The following ZNF106 variants were observed in gnomAD, a reference collection of about 807,000 sequenced individuals.
The protein encoded by ZNF106 is zinc finger protein 106, also known as SH3-domain binding protein 3.
A neutral mutation model predicts 195.1 loss-of-function variants in ZNF106; 67 were observed. The ratio of observed to expected loss-of-function variants is 0.34; its 90% CI spans 0.28 to 0.42. The LOEUF is 0.42. Among genes scored for constraint, ZNF106 ranks in the 10% least tolerant of loss-of-function variants. The pLI is 1.00. For synonymous variants in ZNF106, 784 were observed against 818.6 expected, an observed-to-expected ratio of 0.96 and a Z score of 0.72; for missense variants, 2,118 against 2,304.5, an observed-to-expected ratio of 0.92 and a Z score of 1.66.
chr15:42,462,190 T>C (rs2056406725), intron 3 of ZNF106, among the ~76,000 whole-genome samples: 1 of 152,098 alleles, frequency 6.6e-6, no homozygotes, highest in Non-Finnish European at 1.5e-5. Context: ...GTAGATAAAA[T>C]CTCCATAGCA....
Position 42,435,450 on chromosome 15 carries a change from G to T in ZNF106, c.4815C>A (p.Thr1605=). 1 of 1,614,176 alleles carries T rather than the reference G, an allele frequency of 6.2e-7. No individual in the cohort carries two copies. ...SKVNCLLVTQ[T]SGKNAALYTG... is the part of the protein sequence containing the mutation. Reference sequence around the variant, plus strand: ...TGTAAAGGGCAGCATTCTTCCCGGAGGTCTGAGTAACCAGGAGGCAGTTAA... The same window carrying T: ...TGTAAAGGGCAGCATTCTTCCCGGATGTCTGAGTAACCAGGAGGCAGTTAA... Residue 1605 remains threonine (T), a synonymous_variant, in exon 14 of 22, where the codon ACC becomes ACA. Transcript: ENST00000564754.
Position 42,412,828 on chromosome 15 carries a change from T to G in ZNF106, c.*4476A>C, listed in dbSNP as rs1199910622. On this transcript the variant is annotated 3_prime_UTR_variant, in exon 22 of 22. Transcript: ENST00000564754. ...AAGGTAACGAAAGTAAACCGTCAAT[T>G]AGTAAAAGTACTTTATTTTCCTCTT... 6.6e-6 allele frequency: 1 copy of G among 152,272 alleles called. No homozygotes were observed. Among genetic ancestry groups the G allele is most frequent in the East Asian group, 1.9e-4 (1 of 5,202 alleles). 9.4% of individuals were successfully genotyped at this position (152,272 alleles called of 1,614,324 possible). A position where few individuals can be genotyped will look rare whatever the true frequency, so the allele number is the denominator to read the frequency against.
At chr15:42,433,466 T>C (rs1229660733) in intron 14 of ZNF106, among the ~76,000 whole-genome samples, 2 of 150,084 alleles carry the variant, frequency 1.3e-5, no homozygotes, top group Non-Finnish European at 3.0e-5. Context: ...TCAATTTCTT[T>C]GCATTGTTCT....
chr15:42,424,687 C>T (rs1427254785), intron 16 of ZNF106, 147 bp downstream of exon 16: 3 of 738,990 alleles, frequency 4.1e-6, no homozygotes, highest in African/African-American at 3.6e-5. Context: ...GCCATGTTGC[C>T]CTGGCTGGTC....
intron 1 of ZNF106, among the ~76,000 whole-genome samples, chr15:42,487,446 A>G (rs1339230982): frequency 7.2e-6 from 1 of 138,798 alleles, no homozygotes; most frequent in Non-Finnish European, 1.5e-5. Context: ...AGCCATGATC[A>G]TGCCACTGTA....
chr15:42,487,368 G>A (rs934368288), intron 1 of ZNF106, among the ~76,000 whole-genome samples: 2 of 151,012 alleles, frequency 1.3e-5, no homozygotes, highest in African/African-American at 4.9e-5. Context: ...CGCACCTGTA[G>A]TCCCAGCTAC....
intron 4 of ZNF106, among the ~76,000 whole-genome samples, chr15:42,456,376 C>CG (rs2056227280): frequency 6.6e-6 from 1 of 152,082 alleles, no homozygotes. Context: ...TGGACAGGTA[C>CG]GGTGGCTCAC....
In ZNF106 at chr15:42,442,999, G is replaced by C. The variant is rs574719345; in HGVS notation, c.3422-585C>G. ...GGGTTTCACCATGTTGGTCAGGCTG[G>C]AATTATTATTATTACTAATAATAAT... is the stretch of plus-strand genomic sequence containing the variant. On this transcript the variant is annotated intron_variant, in intron 9 of 21. Coordinates refer to ENST00000564754, the MANE Select transcript of ZNF106 (RefSeq NM_001366845.3). Among the ~76,000 whole-genome samples the C allele has an allele frequency of 2.0e-5, 3 of 151,840 alleles. No individual in the cohort carries two copies. The East Asian group carries it at 5.8e-4, about 29-fold the overall frequency.
intron 1 of ZNF106, among the ~76,000 whole-genome samples, chr15:42,473,059 C>A (rs992848332): frequency 6.6e-6 from 1 of 150,440 alleles, no homozygotes; most frequent in Non-Finnish European, 1.5e-5. Context: ...GTTGAAAATT[C>A]CAAATCTAAA....
intron 10 of ZNF106, among the ~76,000 whole-genome samples, chr15:42,440,876 G>C (rs901102965): frequency 1.4e-5 from 2 of 145,676 alleles, no homozygotes; most frequent in Admixed American, 1.4e-4. Context: ...CCAGCTATTC[G>C]GGAGGCTGAG....
Position 42,450,002 on chromosome 15 carries a change from C to A in ZNF106, c.2270G>T (p.Arg757Leu). The change falls in exon 5 of 22, where the codon CGG (arginine) becomes CTG (leucine). Residue 757 changes from arginine to leucine, a missense_variant. Transcript: ENST00000564754. Reference sequence around the variant, plus strand: ...AGTTTTGCTCTTCAAACTAATGTGCCGGGTTAGATCCCTCTGAAGTGAGGC... The same window carrying A: ...AGTTTTGCTCTTCAAACTAATGTGCAGGGTTAGATCCCTCTGAAGTGAGGC... Reference protein sequence around the residue: ...FPASLQRDLTRHISLKSKTGV... With the variant: ...FPASLQRDLTLHISLKSKTGV... 1 of 1,614,150 alleles carries A rather than the reference C, an allele frequency of 6.2e-7. No individual in the cohort carries two copies. Among genetic ancestry groups the A allele is most frequent in the Non-Finnish European group, 8.5e-7 (1 of 1,180,024 alleles).
At chr15:42,480,626 C>T (rs1012540603) in intron 1 of ZNF106, among the ~76,000 whole-genome samples, 2 of 152,022 alleles carry the variant, frequency 1.3e-5, no homozygotes, top group African/African-American at 4.8e-5. Flanking sequence ...ATTATATTTT[C>T]CCCCCAGTGG....
At chr15:42,428,165 G>A (rs1595439542) in intron 14 of ZNF106, 31 bp from the exon 15 acceptor site, 1 of 1,580,754 alleles carries the variant, frequency 6.3e-7, no homozygotes, top group Non-Finnish European at 8.7e-7. Flanking sequence ...TTAATCAGCA[G>A]AGGGTACTGG....
intron 2 of ZNF106, among the ~76,000 whole-genome samples, chr15:42,471,555 A>C (rs1595490294): frequency 6.6e-6 from 1 of 152,118 alleles, no homozygotes; most frequent in Admixed American, 6.6e-5. Context: ...ACATGGTGAA[A>C]CCCTGTCTCT....
chr15:42,474,904 T>C (rs1338735631), intron 1 of ZNF106, among the ~76,000 whole-genome samples: 2 of 152,218 alleles, frequency 1.3e-5, no homozygotes, highest in African/African-American at 4.8e-5. Flanking sequence ...CAAGCAGCAT[T>C]GTTCCTTCTT....
intron 1 of ZNF106, among the ~76,000 whole-genome samples, chr15:42,484,511 C>T (rs2056967464): frequency 6.6e-6 from 1 of 152,176 alleles, no homozygotes; most frequent in Admixed American, 6.5e-5. Context: ...CCTGTAATCC[C>T]AGTACTTTGG....
chr15:42,462,479 T>C (rs997101304), intron 3 of ZNF106, among the ~76,000 whole-genome samples: 4 of 152,008 alleles, frequency 2.6e-5, no homozygotes, highest in African/African-American at 9.7e-5. Context: ...GTGCCTGTAA[T>C]CCCAGCTACT....
chr15:42,468,068 C>CTTTTT lies in ZNF106; in HGVS notation c.55-1959_55-1955dup, dbSNP rs200457966. 1.0e-3 allele frequency among the ~76,000 whole-genome samples: 106 copies of CTTTTT among 102,114 alleles called. 2 individuals carry two copies. The highest frequency in any genetic ancestry group is 1.7e-3 in the African/African-American group (42 of 24,706). 67.0% of individuals were successfully genotyped at this position (102,114 alleles called of 152,430 possible). A position where few individuals can be genotyped will look rare whatever the true frequency, so the allele number is the denominator to read the frequency against. ...TAAACAGGGTTGTGATTCAAAACGC[C>CTTTTT]TTTTTTTTTTTTTTTTTTTTTTTTT... On this transcript the variant is annotated intron_variant, in intron 2 of 21. Transcript: ENST00000564754.
chr15:42,471,576 C>T (rs2056669319), intron 2 of ZNF106, among the ~76,000 whole-genome samples: 1 of 152,058 alleles, frequency 6.6e-6, no homozygotes, highest in Admixed American at 6.6e-5. Context: ...ACTAAAAATA[C>T]AAAAATCAGC....
Sources: allele counts gnomAD v4.1 joint callset (sites outside exome capture counted in the v4.1 genomes callset), GRCh38; gene constraint gnomAD v4.1.1; transcripts MANE v1.5; gene names NCBI Gene and HGNC (gene_info 2026-07-23, HGNC 2026-07-21).